The following FHIT variants were observed in gnomAD, a reference collection of about 807,000 sequenced individuals.
The protein encoded by FHIT is bis(5'-adenosyl)-triphosphatase.
Under a neutral mutation model 17.9 loss-of-function variants are expected in FHIT, and 19 were observed. The ratio of observed to expected loss-of-function variants is 1.06; its 90% CI spans 0.74 to 1.56. The LOEUF is 1.56. Ranked by LOEUF, FHIT falls within the 40% of genes most tolerant of loss-of-function variation. The pLI is 0.00. For missense variants in FHIT, 248 were observed against 189.2 expected, an observed-to-expected ratio of 1.31 and a Z score of -1.82; for synonymous variants, 81 against 69.7, an observed-to-expected ratio of 1.16 and a Z score of -0.81.
chr3:59,915,798 G>C (rs1304417275), intron 8 of FHIT, among the ~76,000 whole-genome samples: 1 of 152,098 alleles, frequency 6.6e-6, no homozygotes, highest in Non-Finnish European at 1.5e-5. Context: ...CAGGTGTGGT[G>C]GTATGTGCCT....
chr3:60,652,591 T>A (rs1401780482), intron 4 of FHIT, among the ~76,000 whole-genome samples: 1 of 152,082 alleles, frequency 6.6e-6, no homozygotes, highest in Non-Finnish European at 1.5e-5. Flanking sequence ...TAGTCAGGTG[T>A]GGTGGCAGGC....
At position 60,017,493 on chromosome 3, in the gene FHIT, A is replaced by G. The variant is rs564630705; in HGVS notation, c.104-3341T>C. ...GGGCCAGACTCCTGAGAAAGTTTAG[A>G]TACTGCAGCCTCTATCACTGGGTCA... On this transcript the variant is annotated intron_variant, in intron 5 of 9. Coordinates refer to ENST00000492590, the MANE Select transcript of FHIT (RefSeq NM_002012.4). 2.6e-5 allele frequency among the ~76,000 whole-genome samples: 4 copies of G among 152,312 alleles called. No individual in the cohort carries two copies. In the South Asian group the frequency reaches 8.3e-4, roughly 32 times the overall value.
chr3:60,192,434 CAG>C (rs1473159521), intron 5 of FHIT, among the ~76,000 whole-genome samples: 1 of 152,078 alleles, frequency 6.6e-6, no homozygotes, highest in African/African-American at 2.4e-5. Context: ...TGAAAGCCAA[CAG>C]AGACTCATCT....
chr3:60,217,222 G>C (rs1703736258), intron 5 of FHIT, among the ~76,000 whole-genome samples: 1 of 152,088 alleles, frequency 6.6e-6, no homozygotes, highest in African/African-American at 2.4e-5. Context: ...CAAGCCCATA[G>C]CTCAAACATA....
intron 2 of FHIT, among the ~76,000 whole-genome samples, chr3:61,139,709 TC>T (rs1481745686): frequency 2.0e-5 from 3 of 152,128 alleles, no homozygotes; most frequent in Non-Finnish European, 4.4e-5. Flanking sequence ...TGAAGACCAA[TC>T]TCATTTTCAA....
chr3:59,766,178 C>T (rs985473562), intron 8 of FHIT, among the ~76,000 whole-genome samples: 2 of 152,094 alleles, frequency 1.3e-5, no homozygotes, highest in Admixed American at 6.6e-5. Context: ...AATGGGTTTG[C>T]AGATACTCAT....
intron 7 of FHIT, among the ~76,000 whole-genome samples, chr3:59,944,189 C>T (rs1337888640): frequency 6.6e-6 from 1 of 152,156 alleles, no homozygotes; most frequent in Non-Finnish European, 1.5e-5. Flanking sequence ...ACTATGCTGA[C>T]ATAGTTTATA....
At chr3:60,275,510 T>C (rs1228207732) in intron 5 of FHIT, among the ~76,000 whole-genome samples, 1 of 152,218 alleles carries the variant, frequency 6.6e-6, no homozygotes, top group African/African-American at 2.4e-5. Flanking sequence ...TCTAAAATCA[T>C]AGCTTTGCTT....
rs559200150 is a variant in FHIT at position 60,129,120 on chromosome 3, T to C, written c.104-114968A>G. Among the ~76,000 whole-genome samples, 4 of 146,454 alleles carry C rather than the reference T, an allele frequency of 2.7e-5. No homozygotes were observed. The East Asian group carries it at 8.3e-4, about 30-fold the overall frequency. On this transcript the variant is annotated intron_variant, in intron 5 of 9. Coordinates refer to ENST00000492590, the MANE Select transcript of FHIT (RefSeq NM_002012.4). The stretch of plus-strand genomic sequence containing the variant: ...CAGACTGGAGTGCAGTGGCGCAATC[T>C]TGGCTCACTGCAACCTCCGCCTCCC...
At chr3:60,981,757 C>T (rs1456693137) in intron 3 of FHIT, among the ~76,000 whole-genome samples, 1 of 137,076 alleles carries the variant, frequency 7.3e-6, no homozygotes, top group East Asian at 2.2e-4. Flanking sequence ...TACAGGTGTA[C>T]ACCACCATGT....
At chr3:60,055,153 G>T (rs1461234884) in intron 5 of FHIT, among the ~76,000 whole-genome samples, 1 of 152,082 alleles carries the variant, frequency 6.6e-6, no homozygotes, top group Non-Finnish European at 1.5e-5. Flanking sequence ...TGGCAAGAAG[G>T]GTACCCTTGA....
At chr3:60,981,187 C>T (rs1710474745) in intron 3 of FHIT, among the ~76,000 whole-genome samples, 2 of 152,162 alleles carry the variant, frequency 1.3e-5, no homozygotes, top group Non-Finnish European at 2.9e-5. Context: ...CCCTTCTGCC[C>T]AACACTGTCA....
intron 3 of FHIT, among the ~76,000 whole-genome samples, chr3:60,998,002 T>C (rs539925482): frequency 1.3e-5 from 2 of 152,330 alleles, no homozygotes; most frequent in African/African-American, 4.8e-5. Flanking sequence ...CTGAATTAAA[T>C]CTCATGTGAC....
intron 4 of FHIT, among the ~76,000 whole-genome samples, chr3:60,754,360 A>G (rs528067588): frequency 1.3e-5 from 2 of 152,190 alleles, no homozygotes; most frequent in Admixed American, 6.5e-5. Flanking sequence ...AACAGGGGGA[A>G]TCTCACATAC....
intron 5 of FHIT, among the ~76,000 whole-genome samples, chr3:60,468,559 T>C (rs975899749): frequency 6.6e-6 from 1 of 151,972 alleles, no homozygotes; most frequent in East Asian, 1.9e-4. Context: ...GCATAAACAA[T>C]TAAACTAATA....
At chr3:60,260,881 C>G (rs151247864) in intron 5 of FHIT, among the ~76,000 whole-genome samples, 49 of 152,152 alleles carry the variant, frequency 3.2e-4, no homozygotes, top group African/African-American at 9.6e-4. Flanking sequence ...TACAATGCAT[C>G]AGTGTGCTAA....
At position 61,239,776 on chromosome 3, in the gene FHIT, T is replaced by G. The variant is rs879908363; in HGVS notation, c.-213+11525A>C. On this transcript the variant is annotated intron_variant, in intron 1 of 9. Coordinates refer to ENST00000492590, the MANE Select transcript of FHIT (RefSeq NM_002012.4). The stretch of plus-strand genomic sequence containing the variant: ...AAACAACTGGCCATATATATATATA[T>G]ATATATATACACAAATTCTAAACAA... Among the ~76,000 whole-genome samples the G allele has an allele frequency of 1.4e-5, 2 of 138,594 alleles. 1 individual carries two copies. The highest frequency in any genetic ancestry group is 5.4e-5 in the African/African-American group (2 of 36,964). The allele number at this position is 138,594 out of a possible 152,430, so 90.9% of individuals were successfully genotyped here.
intron 7 of FHIT, among the ~76,000 whole-genome samples, chr3:59,990,531 T>A (rs1709180144): frequency 6.6e-6 from 1 of 152,104 alleles, no homozygotes; most frequent in Admixed American, 6.6e-5. Context: ...CAATCCACTT[T>A]GCAAACTGCT....
chr3:60,916,538 G>A (rs1328857217), intron 3 of FHIT, among the ~76,000 whole-genome samples: 1 of 152,046 alleles, frequency 6.6e-6, no homozygotes, highest in Non-Finnish European at 1.5e-5. Context: ...CAAGATTCAA[G>A]GCCATTTCAT....
Sources: gnomAD v4.1 joint callset for allele counts (sites outside exome capture counted in the v4.1 genomes callset) on GRCh38, gnomAD v4.1.1 for gene constraint, MANE v1.5 for transcripts, NCBI Gene and HGNC (gene_info 2026-07-23, HGNC 2026-07-21) for gene names.